The following NUP160 variants were observed in gnomAD, a reference collection of about 807,000 sequenced individuals.
NUP160 encodes nucleoporin 160.
In NUP160, 94 loss-of-function variants were observed where a neutral mutation model predicts 196.9. That is an observed-to-expected ratio of 0.48 (90% CI 0.40 to 0.57). NUP160 has a LOEUF of 0.57. Ranked by LOEUF, NUP160 falls within the 20% of genes least tolerant of loss-of-function variation. The probability of loss-of-function intolerance (pLI) is 0.00; values close to 1 mark genes in which losing one functional copy is unlikely to be tolerated. For synonymous variants in NUP160, 605 were observed against 619.7 expected (o/e 0.98, Z 0.35); for missense variants, 1,638 against 1,748.3 (o/e 0.94, Z 1.13).
rs1025230557 is a variant in NUP160, at chr11:47,836,231, G to C, written c.943-422C>G. On this transcript the variant is annotated intron_variant, in intron 6 of 35. Transcript: ENST00000378460. ...CCATTGCATTCCAGCCTGAGTGACA[G>C]AGCGAGACTCTGTTTCGGGGGAAAA... Among the ~76,000 whole-genome samples the C allele has an allele frequency of 3.3e-5, 5 of 152,102 alleles. 1 individual carries two copies. The East Asian group carries it at 9.6e-4, about 29-fold the overall frequency.
chr11:47,817,875 C>A (rs949964429), intron 11 of NUP160, among the ~76,000 whole-genome samples, 181 bp downstream of exon 11: 10 of 151,914 alleles, frequency 6.6e-5, no homozygotes, highest in African/African-American at 2.4e-4. Context: ...AACCTCTCCA[C>A]CATGAATACT....
intron 5 of NUP160, 62 bp downstream of exon 5, chr11:47,837,482 GC>G: frequency 8.1e-7 from 1 of 1,239,126 alleles, no homozygotes; most frequent in Non-Finnish European, 1.2e-6. Flanking sequence ...AACAATAACT[GC>G]CGACCAGTGC....
At chr11:47,824,014 T>TGC (rs1851914627) in intron 7 of NUP160, among the ~76,000 whole-genome samples, 2 of 30,274 alleles carry the variant, frequency 6.6e-5, no homozygotes, top group African/African-American at 2.5e-4. Context: ...TTTGCATATA[T>TGC]ATATATATAT....
chr11:47,841,723 A>C, intron 2 of NUP160: 2 of 250,828 alleles, frequency 8.0e-6, no homozygotes, highest in Non-Finnish European at 1.6e-5. Flanking sequence ...ACAGGGTCTC[A>C]CTCTGTCAGG....
intron 27 of NUP160, among the ~76,000 whole-genome samples, chr11:47,793,687 C>T (rs1255300383): frequency 7.2e-6 from 1 of 139,028 alleles, no homozygotes; most frequent in East Asian, 2.2e-4. Context: ...CATATAAATA[C>T]AACAGAAAAT....
exon 11 of NUP160, chr11:47,818,077 T>C (rs1851774483): frequency 6.2e-7 from 1 of 1,611,532 alleles, no homozygotes; most frequent in African/African-American, 1.3e-5. Context: ...TACATAAAGC[T>C]TCATTTGTGA....
intron 11 of NUP160, among the ~76,000 whole-genome samples, chr11:47,817,000 G>A (rs1851740638): frequency 6.8e-6 from 1 of 147,584 alleles, no homozygotes; most frequent in East Asian, 2.0e-4. Context: ...TTTTAAGATA[G>A]GGTGTCACTC....
At position 47,822,551 on chromosome 11, in the gene NUP160, C is replaced by T. The variant is rs540043712; in HGVS notation, c.1102-387G>A. 5.9e-5 allele frequency among the ~76,000 whole-genome samples: 9 copies of T among 151,640 alleles called. No homozygotes were observed. In the East Asian group the frequency reaches 1.5e-3, roughly 26 times the overall value. Reference sequence around the variant, plus strand: ...GATTACAGGCGTGAGCCACTGCACCCGGCCAAAAATTTTTTTTCTTTTCTT... The same window carrying T: ...GATTACAGGCGTGAGCCACTGCACCTGGCCAAAAATTTTTTTTCTTTTCTT... On this transcript the variant is annotated intron_variant, in intron 7 of 35. Transcript: ENST00000378460.
At chr11:47,825,601 G>A (rs889055928) in intron 7 of NUP160, among the ~76,000 whole-genome samples, 6 of 151,822 alleles carry the variant, frequency 4.0e-5, no homozygotes, top group Admixed American at 2.0e-4. Flanking sequence ...TTACAGGCAC[G>A]CACTACCATG....
At chr11:47,789,293 C>A (rs2097666579) in intron 29 of NUP160, among the ~76,000 whole-genome samples, 1 of 152,202 alleles carries the variant, frequency 6.6e-6, no homozygotes, top group Admixed American at 6.5e-5. Context: ...AAGGCATGAG[C>A]CACTGCACCT....
intron 13 of NUP160, among the ~76,000 whole-genome samples, chr11:47,814,140 T>A (rs1445579886): frequency 1.4e-5 from 2 of 144,522 alleles, no homozygotes. Context: ...AGACCCTGCC[T>A]CAAACAAACA....
At chr11:47,822,615 C>T (rs184392183) in intron 7 of NUP160, among the ~76,000 whole-genome samples, 1 of 151,662 alleles carries the variant, frequency 6.6e-6, no homozygotes, top group East Asian at 1.9e-4. Context: ...GTTACATGTG[C>T]ACAACGTGCA....
At chr11:47,803,822 G>A (rs2097675854) in intron 21 of NUP160, among the ~76,000 whole-genome samples, 2 of 152,044 alleles carry the variant, frequency 1.3e-5, no homozygotes, top group South Asian at 4.1e-4. Flanking sequence ...TTCCAGTAAA[G>A]GATTTATATG....
chr11:47,816,591 A>G lies in NUP160; in HGVS notation c.1432-562T>C, dbSNP rs996955320. ...GGAGTTCGAGACAAGCTTGGCCAAT[A>G]TGGCAAAACCTTGTCTCTACTAAAA... On this transcript the variant is annotated intron_variant, in intron 11 of 35. Coordinates refer to ENST00000378460, the Ensembl canonical transcript of NUP160. Among the ~76,000 whole-genome samples the G allele has an allele frequency of 3.3e-5, 5 of 151,964 alleles. No homozygotes were observed. The East Asian group carries it at 9.7e-4, about 29-fold the overall frequency.
chr11:47,809,037 G>A (rs753850800), intron 17 of NUP160, among the ~76,000 whole-genome samples: 2 of 151,750 alleles, frequency 1.3e-5, no homozygotes, highest in Non-Finnish European at 2.9e-5. Context: ...GGAGGCGGAT[G>A]TTGCAGTGAG....
At chr11:47,788,204 C>G in exon 31 of NUP160, 2 of 1,613,640 alleles carry the variant, frequency 1.2e-6, no homozygotes, top group Non-Finnish European at 1.7e-6. Flanking sequence ...CCTTCAAAGA[C>G]TGGCGTTAAG....
At chr11:47,793,216 G>A (rs182047822) in intron 27 of NUP160, among the ~76,000 whole-genome samples, 1 of 152,104 alleles carries the variant, frequency 6.6e-6, no homozygotes, top group East Asian at 1.9e-4. Flanking sequence ...CGAATTTGTG[G>A]CCTCGTGATC....
intron 7 of NUP160, among the ~76,000 whole-genome samples, chr11:47,834,291 GT>G (rs1432195687): frequency 6.6e-6 from 1 of 152,124 alleles, no homozygotes; most frequent in Non-Finnish European, 1.5e-5. Flanking sequence ...TCAACAGGAT[GT>G]TACATGAATA....
intron 23 of NUP160, among the ~76,000 whole-genome samples, chr11:47,798,680 A>C (rs2097672333): frequency 6.6e-6 from 1 of 151,934 alleles, no homozygotes; most frequent in South Asian, 2.1e-4. Flanking sequence ...TTTTTTAAAA[A>C]TTAGCTGCGT....
Sources: allele counts gnomAD v4.1 joint callset (sites outside exome capture counted in the v4.1 genomes callset), GRCh38; gene constraint gnomAD v4.1.1; transcripts MANE v1.5; gene names NCBI Gene and HGNC (gene_info 2026-07-23, HGNC 2026-07-21).